Variants in ABHD12 observed in about 807,000 individuals in gnomAD.
ABHD12 encodes the protein lysophosphatidylserine lipase ABHD12.
A neutral mutation model predicts 58.3 loss-of-function variants in ABHD12; 43 were observed. That is an observed-to-expected ratio of 0.74 (90% CI 0.58 to 0.95). The LOEUF (loss-of-function observed/expected upper bound fraction) is 0.95. ABHD12 is among the 40% of genes least tolerant of loss of function. The probability of loss-of-function intolerance (pLI) is 0.00; values close to 1 mark genes in which losing one functional copy is unlikely to be tolerated. For missense variants in ABHD12, 539 were observed against 537.2 expected (o/e 1.00, Z -0.03); for synonymous variants, 219 against 211.2 (o/e 1.04, Z -0.32).
downstream of ABHD12, chr20:25,295,497 A>T (rs976808287): frequency 1.6e-4 from 210 of 1,324,548 alleles, 2 homozygotes; most frequent in South Asian, 2.0e-3. Flanking sequence ...CGCTCCAGAC[A>T]GGACCAGGTG....
At chr20:25,378,204 T>A (rs1256677299) in intron 1 of ABHD12, among the ~76,000 whole-genome samples, 1 of 152,202 alleles carries the variant, frequency 6.6e-6, no homozygotes, top group East Asian at 1.9e-4. Flanking sequence ...ACTAACCTTC[T>A]CCAGCCATCC....
intron 1 of ABHD12, among the ~76,000 whole-genome samples, chr20:25,377,330 G>C (rs948685973): frequency 4.6e-5 from 7 of 152,158 alleles, no homozygotes; most frequent in African/African-American, 1.7e-4. Flanking sequence ...ATCCTGTCAA[G>C]CAAGAGGCTA....
chr20:25,311,314 C>T (rs758192096), intron 6 of ABHD12, among the ~76,000 whole-genome samples: 9 of 152,168 alleles, frequency 5.9e-5, no homozygotes, highest in Non-Finnish European at 1.2e-4. Flanking sequence ...GAGTCAGGGT[C>T]AGAGCCAGAT....
intron 1 of ABHD12, among the ~76,000 whole-genome samples, chr20:25,355,006 T>C (rs1180891924): frequency 6.6e-6 from 1 of 152,160 alleles, no homozygotes; most frequent in Non-Finnish European, 1.5e-5. Context: ...CATTATTTCC[T>C]AAGAGGTCTG....
intron 1 of ABHD12, among the ~76,000 whole-genome samples, chr20:25,384,095 T>G (rs140802313): frequency 0.035 from 5,020 of 145,486 alleles, 245 homozygotes; most frequent in African/African-American, 0.12. Context: ...TGAGCCGAGA[T>G]CACGCCACTG....
chr20:25,322,947 T>C (rs1202689161), intron 3 of ABHD12, among the ~76,000 whole-genome samples: 1 of 152,088 alleles, frequency 6.6e-6, no homozygotes, highest in African/African-American at 2.4e-5. Flanking sequence ...GGTCTCAAAC[T>C]CCTGGACTCA....
intron 2 of ABHD12, among the ~76,000 whole-genome samples, chr20:25,326,083 G>A (rs928068698): frequency 1.6e-4 from 17 of 106,430 alleles, no homozygotes; most frequent in African/African-American, 2.1e-4. Context: ...AAAAAAAAAA[G>A]AAAAGAAAAA....
At position 25,390,769 on chromosome 20, in the gene ABHD12, A is replaced by AGT; in HGVS notation, c.-67_-66insAC. The AGT allele has an allele frequency of 1.4e-5, 15 of 1,077,992 alleles. No homozygotes were observed. The highest frequency in any genetic ancestry group is 4.6e-5 in the Admixed American group (1 of 21,634). 66.8% of individuals were successfully genotyped at this position (1,077,992 alleles called of 1,614,324 possible). On this transcript the variant is annotated 5_prime_UTR_variant, in exon 1 of 13. Coordinates refer to ENST00000339157, the MANE Select transcript of ABHD12 (RefSeq NM_001042472.3). ...CCTGCGCCGCAGTGCCGCCGCTCAC[A>AGT]GCCGCCGCCACCCAGAGCCCGGAGC... is the stretch of plus-strand genomic sequence containing the variant.
intron 2 of ABHD12, among the ~76,000 whole-genome samples, chr20:25,336,395 T>C (rs185121692): frequency 1.3e-5 from 2 of 152,222 alleles, no homozygotes; most frequent in African/African-American, 4.8e-5. Flanking sequence ...ATGCCTTACA[T>C]TGTAGGTGCT....
intron 1 of ABHD12, among the ~76,000 whole-genome samples, chr20:25,380,283 T>C (rs1471776201): frequency 6.6e-6 from 1 of 151,918 alleles, no homozygotes; most frequent in Non-Finnish European, 1.5e-5. Context: ...TTTTTTGAGA[T>C]GGAGTTTCGC....
intron 1 of ABHD12, among the ~76,000 whole-genome samples, chr20:25,348,158 C>T (rs1364756287): frequency 1.3e-5 from 2 of 150,748 alleles, no homozygotes; most frequent in African/African-American, 2.4e-5. Context: ...TGCAGTAAGC[C>T]GAGATGGCGC....
intron 1 of ABHD12, among the ~76,000 whole-genome samples, chr20:25,383,796 A>T (rs1010720307): frequency 6.6e-6 from 1 of 152,084 alleles, no homozygotes; most frequent in Non-Finnish European, 1.5e-5. Context: ...CCTACTAAAA[A>T]TACAAAAAAT....
intron 1 of ABHD12, among the ~76,000 whole-genome samples, chr20:25,366,626 C>T (rs1033271438): frequency 1.2e-4 from 19 of 152,154 alleles, no homozygotes; most frequent in Admixed American, 1.1e-3. Context: ...AGCCCTCCTC[C>T]ATTTCAAGAC....
chr20:25,303,441 T>G (rs745672409), intron 11 of ABHD12, 109 bp downstream of exon 11: 1 of 1,544,122 alleles, frequency 6.5e-7, no homozygotes, highest in Non-Finnish European at 8.7e-7. Context: ...CAGCCCGTGA[T>G]GCAGCATGCA....
At chr20:25,378,019 T>C (rs1020508367) in intron 1 of ABHD12, among the ~76,000 whole-genome samples, 3 of 152,200 alleles carry the variant, frequency 2.0e-5, no homozygotes, top group African/African-American at 7.2e-5. Flanking sequence ...TATATGTAGT[T>C]AGTACTACAT....
At chr20:25,385,933 C>T (rs2090084121) in intron 1 of ABHD12, among the ~76,000 whole-genome samples, 1 of 151,468 alleles carries the variant, frequency 6.6e-6, no homozygotes. Context: ...CCCGTCTCTA[C>T]TAAAAAAAAT....
chr20:25,343,922 C>T (rs1028468184), intron 1 of ABHD12, among the ~76,000 whole-genome samples: 3 of 152,144 alleles, frequency 2.0e-5, no homozygotes, highest in South Asian at 2.1e-4. Context: ...TTATACACTA[C>T]GGCCAAGTGG....
chr20:25,347,186 TA>T (rs1031222146), intron 1 of ABHD12, among the ~76,000 whole-genome samples: 2 of 152,214 alleles, frequency 1.3e-5, no homozygotes, highest in Admixed American at 1.3e-4. Context: ...TTAGAAGTTT[TA>T]TATCATTATT....
intron 9 of ABHD12, 83 bp downstream of exon 9, chr20:25,307,883 T>A (rs2088774194): frequency 3.5e-6 from 2 of 568,718 alleles, no homozygotes; most frequent in East Asian, 6.1e-5. Flanking sequence ...TTTTAATAAT[T>A]ATTATAATGT....
Sources: allele counts gnomAD v4.1 joint callset (sites outside exome capture counted in the v4.1 genomes callset), GRCh38; gene constraint gnomAD v4.1.1; transcripts MANE v1.5; gene names NCBI Gene and HGNC (gene_info 2026-07-23, HGNC 2026-07-21).